SPTBN5: variants seen among roughly 807,000 people sequenced by gnomAD.
SPTBN5 encodes the protein spectrin beta chain, non-erythrocytic 5.
In SPTBN5, 513 loss-of-function variants were observed where a neutral mutation model predicts 477.6. The ratio of observed to expected loss-of-function variants is 1.07; its 90% CI spans 1.00 to 1.16. SPTBN5 has a LOEUF of 1.16. SPTBN5 is among the 50% of genes most tolerant of loss of function. The pLI is 0.00. For missense variants in SPTBN5, 5,062 were observed against 4,731.8 expected (o/e 1.07, Z -2.05); for synonymous variants, 2,169 against 2,011.7 (o/e 1.08, Z -2.09).
intron 32 of SPTBN5, 101 bp downstream of exon 32, chr15:41,869,740 G>A (rs2066465575): frequency 8.0e-7 from 1 of 1,246,144 alleles, no homozygotes; most frequent in Non-Finnish European, 1.0e-6. Flanking sequence ...GTCCATGCTT[G>A]TTCTCCCTCC....
intron 56 of SPTBN5, 51 bp from the exon 57 acceptor site, chr15:41,854,256 C>T: frequency 6.5e-7 from 1 of 1,548,190 alleles, no homozygotes; most frequent in African/African-American, 1.4e-5. Context: ...TCCCAGGATT[C>T]CTTTCTCCCT....
Position 41,879,935 on chromosome 15 carries a change from G to A in SPTBN5, c.2812-71C>T, listed in dbSNP as rs189065929. 2.7e-5 allele frequency: 42 copies of A among 1,577,310 alleles called. No homozygotes were observed. The Admixed American group carries it at 3.6e-4, about 14-fold the overall frequency. Reference sequence around the variant, plus strand: ...TCCACACTCCCCTCTAGCCTATGACGGACCTGAGTGGTGCTCTCTGCTACA... The same window carrying A: ...TCCACACTCCCCTCTAGCCTATGACAGACCTGAGTGGTGCTCTCTGCTACA... On this transcript the variant is annotated intron_variant, in intron 14 of 67. Transcript: ENST00000320955.
At chr15:41,870,113 G>T in intron 31 of SPTBN5, 93 bp from the exon 32 acceptor site, 3 of 1,450,030 alleles carry the variant, frequency 2.1e-6, no homozygotes, top group Non-Finnish European at 1.8e-6. Flanking sequence ...GGCCCCCTTG[G>T]GCCACGTCCT....
intron 28 of SPTBN5, 57 bp from the exon 29 acceptor site, chr15:41,871,577 C>A (rs1279554489): frequency 1.1e-5 from 15 of 1,410,108 alleles, no homozygotes; most frequent in Non-Finnish European, 1.9e-6. Flanking sequence ...CGTCAAGCAG[C>A]CTGGGAATCG....
chr15:41,880,268 G>C lies in SPTBN5; in HGVS notation c.2703C>G (p.Phe901Leu), dbSNP rs1311058641. Residue 901 changes from phenylalanine (F) to leucine (L), a missense_variant, in exon 14 of 68, where the codon TTC becomes TTG. Transcript: ENST00000320955. ...RLEEAMALFG[F>L]CSSCGELQLW... ...ACTGGAGCTCCCCACAGGAACTGCA[G>C]AAACCGAACAGGGCCATGGCCTCCT... is the stretch of plus-strand genomic sequence containing the variant. The C allele has an allele frequency of 6.2e-7, 1 of 1,607,608 alleles. No individual in the cohort carries two copies. The highest frequency in any genetic ancestry group is 8.5e-7 in the Non-Finnish European group (1 of 1,177,694).
intron 66 of SPTBN5, chr15:41,850,176 A>C: frequency 1.8e-6 from 1 of 559,550 alleles, no homozygotes; most frequent in Non-Finnish European, 3.2e-6. Flanking sequence ...CTCACAGGTG[A>C]GTTAAGAAAG....
At chr15:41,876,722 C>G in intron 19 of SPTBN5, 75 bp from the exon 20 acceptor site, 10 of 1,601,204 alleles carry the variant, frequency 6.2e-6, no homozygotes, top group Non-Finnish European at 8.5e-6. Flanking sequence ...CTCTCCCCCA[C>G]CCCCTACTCT....
At chr15:41,849,780 G>A in intron 67 of SPTBN5, 89 bp downstream of exon 67, 1 of 1,027,510 alleles carries the variant, frequency 9.7e-7, no homozygotes, top group Non-Finnish European at 1.5e-6. Context: ...TAAGTCTGAG[G>A]CCCAGAACCT....
chr15:41,851,051 C>CCG lies in SPTBN5; in HGVS notation c.10835+6_10835+7dup, dbSNP rs1175637872. On this transcript the variant is annotated splice_region_variant and intron_variant, in intron 65 of 67. Transcript: ENST00000320955. Reference sequence around the variant, plus strand: ...GGGTGATGCCGGAGTCCATGTCTCTCCGCTCACCTTAAGGAGAATGTGTGT... The same window carrying CCG: ...GGGTGATGCCGGAGTCCATGTCTCTCCGCGCTCACCTTAAGGAGAATGTGTGT... 6.2e-7 allele frequency: 1 copy of CCG among 1,609,976 alleles called. No homozygotes were observed. Among genetic ancestry groups the CCG allele is most frequent in the East Asian group, 2.2e-5 (1 of 44,750 alleles).
At chr15:41,867,682 G>C (rs1275239569) in intron 34 of SPTBN5, 40 bp from the exon 35 acceptor site, 1 of 1,582,448 alleles carries the variant, frequency 6.3e-7, no homozygotes, top group East Asian at 2.2e-5. Flanking sequence ...AAGCCTTCCA[G>C]CCAGCCAGCC....
chr15:41,857,554 T>C lies in SPTBN5; in HGVS notation c.8364+19A>G. 2 of 1,606,198 alleles carry C rather than the reference T, an allele frequency of 1.2e-6. No individual in the cohort carries two copies. The highest frequency in any genetic ancestry group is 1.7e-6 in the Non-Finnish European group (2 of 1,175,174). On this transcript the variant is annotated intron_variant, in intron 50 of 67. Coordinates refer to ENST00000320955, the MANE Select transcript of SPTBN5 (RefSeq NM_016642.4). ...GTCCTGGAGCCCGGCCAGCCACCCC[T>C]CGGCCTGCACAACCTCACCTCACAG... is the stretch of plus-strand genomic sequence containing the variant.
chr15:41,850,650 C>G (rs767702781), intron 66 of SPTBN5: 443 of 584,838 alleles, frequency 7.6e-4, no homozygotes, highest in Non-Finnish European at 9.4e-4. Context: ...GGCCCCATCT[C>G]TGCTAATTAG....
Position 41,851,802 on chromosome 15 carries a change from G to A in SPTBN5, c.10633C>T (p.His3545Tyr). ...TMEGSLEFKQ[H>Y]LLPGGRQPSS... ...ACCTGCCTCCCGCCAGGCAGCAGGT[G>A]CTGCTTGAACTCCAAAGACCCCTCC... The change falls in exon 63 of 68, where the codon CAC becomes TAC. Residue 3545 changes from histidine to tyrosine, a missense_variant. Physicochemically the swap from His to Tyr is moderately conservative, Grantham distance 83 (BLOSUM62 2). Coordinates refer to ENST00000320955, the MANE Select transcript of SPTBN5 (RefSeq NM_016642.4). The A allele has an allele frequency of 1.2e-6, 2 of 1,610,510 alleles. No individual in the cohort carries two copies. Among genetic ancestry groups the A allele is most frequent in the Non-Finnish European group, 1.7e-6 (2 of 1,179,394 alleles).
At position 41,879,384 on chromosome 15, in the gene SPTBN5, G is replaced by A. The variant is rs995570314; in HGVS notation, c.3058C>T (p.Leu1020Phe). 8.1e-6 allele frequency: 13 copies of A among 1,610,476 alleles called. No individual in the cohort carries two copies. The highest frequency in any genetic ancestry group is 2.7e-5 in the African/African-American group (2 of 74,920). Residue 1020 changes from leucine (L) to phenylalanine (F), a missense_variant, in exon 16 of 68, where the codon CTC (leucine) becomes TTC (phenylalanine). Leu to Phe is a conservative substitution (Grantham distance 22). Transcript: ENST00000320955. ...GGCTGCAGGGCCTCCAGCTGGAGGA[G>A]CACGTCTCGCAGCTGGACCTGTGTG... ...GPTQVQLRDV[L>F]LQLEALQPGS...
In SPTBN5 at chr15:41,888,059, C is replaced by T; in HGVS notation, c.528G>A (p.Leu176=). The T allele has an allele frequency of 6.3e-7, 1 of 1,576,456 alleles. No homozygotes were observed. The highest frequency in any genetic ancestry group is 1.3e-5 in the African/African-American group (1 of 74,292). The part of the protein sequence containing the change: ...DKEEFGASAA[L]LSTKEALLVW... ...CCAGCAGGGCTTCCTTGGTGGACAGCAGGGCTGCGCTGGCCCCAAACTCCT... is the reference window on the plus strand; with the variant it reads ...CCAGCAGGGCTTCCTTGGTGGACAGTAGGGCTGCGCTGGCCCCAAACTCCT... Residue 176 remains leucine, a synonymous_variant, in exon 5 of 68, where the codon CTG becomes CTA. Transcript: ENST00000320955.
At position 41,850,836 on chromosome 15, in the gene SPTBN5, C is replaced by T. The variant is rs762314760; in HGVS notation, c.10921+18G>A. The T allele has an allele frequency of 1.3e-6, 2 of 1,580,310 alleles. No individual in the cohort carries two copies. Among genetic ancestry groups the T allele is most frequent in the Non-Finnish European group, 1.7e-6 (2 of 1,164,146 alleles). ...AGGGAGTCGGCCGCCCTCCCCGCAT[C>T]CTTCCCCTGAAGCCCACCTGCAGTG... On this transcript the variant is annotated intron_variant, in intron 66 of 67. Coordinates refer to ENST00000320955, the MANE Select transcript of SPTBN5 (RefSeq NM_016642.4).
chr15:41,882,301 C>A lies in SPTBN5; in HGVS notation c.2215G>T (p.Ala739Ser). Residue 739 changes from alanine to serine, a missense_variant, in exon 11 of 68, where the codon GCA becomes TCA. Physicochemically the swap from Ala to Ser is moderately conservative, Grantham distance 99 (BLOSUM62 1). Transcript: ENST00000320955. ...ACCAGCAGGGCTGTCTGCAGCCGTGCGCCCCGCCCCACCACCCGGGTCTGG... is the reference window on the plus strand; with the variant it reads ...ACCAGCAGGGCTGTCTGCAGCCGTGAGCCCCGCCCCACCACCCGGGTCTGG... ...LLQTRVVGRG[A>S]RLQTALLVLQ... The A allele has an allele frequency of 1.3e-6, 2 of 1,510,572 alleles. No homozygotes were observed. The highest frequency in any genetic ancestry group is 1.8e-6 in the Non-Finnish European group (2 of 1,131,830). The allele number at this position is 1,510,572 out of a possible 1,614,324, so 93.6% of individuals were successfully genotyped here. A position where few individuals can be genotyped will look rare whatever the true frequency, so the allele number is the denominator to read the frequency against.
intron 66 of SPTBN5, chr15:41,850,480 G>A (rs769920513): frequency 2.3e-5 from 6 of 256,308 alleles, no homozygotes; most frequent in East Asian, 8.1e-5. Context: ...CTGAGGACTA[G>A]AAGGTTAGAG....
Position 41,874,824 on chromosome 15 carries a change from T to C in SPTBN5, c.4502+18A>G. On this transcript the variant is annotated intron_variant, in intron 23 of 67. Coordinates refer to ENST00000320955, the MANE Select transcript of SPTBN5 (RefSeq NM_016642.4). Reference sequence around the variant, plus strand: ...CATGGAGGAGTGACACACAGGTGGGTGGGAGGACAGACCCCACCTCCGGAG... The same window carrying C: ...CATGGAGGAGTGACACACAGGTGGGCGGGAGGACAGACCCCACCTCCGGAG... The C allele has an allele frequency of 1.3e-6, 2 of 1,593,564 alleles. No individual in the cohort carries two copies. Among genetic ancestry groups the C allele is most frequent in the Non-Finnish European group, 1.7e-6 (2 of 1,166,800 alleles).
Sources: allele counts gnomAD v4.1 joint callset, GRCh38; gene constraint gnomAD v4.1.1; transcripts MANE v1.5; gene names NCBI Gene and HGNC (gene_info 2026-07-23, HGNC 2026-07-21).